The following PRKAA1 variants were observed in gnomAD, a reference collection of about 807,000 sequenced individuals.
PRKAA1 encodes 5'-AMP-activated protein kinase catalytic subunit alpha-1.
Under a neutral mutation model 56.9 loss-of-function variants are expected in PRKAA1, and 23 were observed. That is an observed-to-expected ratio of 0.40 (90% CI 0.29 to 0.57). PRKAA1 has a LOEUF of 0.57. Among genes scored for constraint, PRKAA1 ranks in the 20% least tolerant of loss-of-function variants. The pLI is 0.39. For missense variants in PRKAA1, 413 were observed against 679.7 expected, an observed-to-expected ratio of 0.61 and a Z score of 4.36; for synonymous variants, 226 against 227.0, an observed-to-expected ratio of 1.00 and a Z score of 0.04.
chr5:40,770,330 G>A (rs1241280312), intron 4 of PRKAA1, among the ~76,000 whole-genome samples: 1 of 152,078 alleles, frequency 6.6e-6, no homozygotes, highest in Non-Finnish European at 1.5e-5. Flanking sequence ...GCTGCATGTG[G>A]TGGCCCACAT....
At chr5:40,771,911 A>G in intron 3 of PRKAA1, 48 bp from the exon 4 acceptor site, 11 of 1,578,770 alleles carry the variant, frequency 7.0e-6, no homozygotes, top group Non-Finnish European at 9.5e-6. Flanking sequence ...TTCAAAGTAA[A>G]TTGTCCTATC....
chr5:40,790,048 G>A (rs1028587854), intron 1 of PRKAA1: 1 of 152,208 alleles, frequency 6.6e-6, no homozygotes, highest in African/African-American at 2.4e-5. Flanking sequence ...CTGGATCTCA[G>A]TTCTGCCCTG....
intron 1 of PRKAA1, among the ~76,000 whole-genome samples, chr5:40,778,009 G>A (rs771980635): frequency 9.2e-5 from 14 of 151,840 alleles, no homozygotes; most frequent in Non-Finnish European, 1.8e-4. Context: ...AGGAGGCGGA[G>A]GTTGCAGTGA....
intron 6 of PRKAA1, among the ~76,000 whole-genome samples, chr5:40,766,896 G>A (rs1206515656): frequency 2.0e-5 from 3 of 152,238 alleles, no homozygotes; most frequent in African/African-American, 7.2e-5. Flanking sequence ...GTGGATGCCT[G>A]TAGTCTCAAC....
At chr5:40,768,877 A>G (rs1208634499) in intron 5 of PRKAA1, 1 of 1,557,896 alleles carries the variant, frequency 6.4e-7, no homozygotes, top group Non-Finnish European at 8.7e-7. Flanking sequence ...AAATATCTTC[A>G]TGTTCTCAAT....
intron 3 of PRKAA1, among the ~76,000 whole-genome samples, chr5:40,774,056 G>A (rs1743875496): frequency 6.6e-6 from 1 of 152,164 alleles, no homozygotes; most frequent in Non-Finnish European, 1.5e-5. Flanking sequence ...AAACATATTT[G>A]TTATTATTAG....
intron 6 of PRKAA1, among the ~76,000 whole-genome samples, chr5:40,766,676 T>C (rs1480891672): frequency 6.6e-6 from 1 of 151,878 alleles, no homozygotes; most frequent in East Asian, 1.9e-4. Context: ...AGAAATAAAA[T>C]AGCCACCCAC....
intron 1 of PRKAA1, among the ~76,000 whole-genome samples, chr5:40,784,059 T>G (rs1316104379): frequency 6.6e-6 from 1 of 152,124 alleles, no homozygotes; most frequent in African/African-American, 2.4e-5. Flanking sequence ...CATGGAATAG[T>G]GTTTGTAAAG....
chr5:40,775,852 G>A (rs561970362), intron 2 of PRKAA1, among the ~76,000 whole-genome samples: 2 of 152,148 alleles, frequency 1.3e-5, no homozygotes, highest in East Asian at 1.9e-4. Context: ...GGAGGAAAGC[G>A]AAACTGGGAG....
chr5:40,794,886 G>A (rs924189963), intron 1 of PRKAA1, among the ~76,000 whole-genome samples: 1 of 149,432 alleles, frequency 6.7e-6, no homozygotes, highest in African/African-American at 2.4e-5. Context: ...GTCATTATTC[G>A]AAAAAGATAC....
chr5:40,766,550 C>T (rs1417210815), intron 6 of PRKAA1, among the ~76,000 whole-genome samples: 1 of 152,050 alleles, frequency 6.6e-6, no homozygotes, highest in Non-Finnish European at 1.5e-5. Flanking sequence ...CTGACTTTTA[C>T]CTACAAAACA....
At chr5:40,771,658 G>A (rs1743753081) in intron 4 of PRKAA1, 61 bp downstream of exon 4, 1 of 1,499,338 alleles carries the variant, frequency 6.7e-7, no homozygotes, top group Non-Finnish European at 9.0e-7. Flanking sequence ...TTCTAGGTAG[G>A]TTCATTGAAA....
intron 1 of PRKAA1, among the ~76,000 whole-genome samples, chr5:40,785,873 G>T (rs1018907270): frequency 4.0e-5 from 6 of 151,260 alleles, no homozygotes; most frequent in Non-Finnish European, 8.8e-5. Context: ...GAGAGAGAGA[G>T]AGAGAGCAAG....
intron 1 of PRKAA1, among the ~76,000 whole-genome samples, chr5:40,790,742 G>A (rs1319220426): frequency 6.6e-6 from 1 of 152,078 alleles, no homozygotes; most frequent in African/African-American, 2.4e-5. Context: ...GTTTCACCAT[G>A]TTGGCCAGGA....
At position 40,798,112 on chromosome 5, in the gene PRKAA1, G is replaced by A. The variant is rs766616413; in HGVS notation, c.78C>T (p.His26=). The change falls in exon 1 of 9, where the codon CAC becomes CAT. Residue 26 remains histidine (H), a synonymous_variant. Coordinates refer to ENST00000397128, the MANE Select transcript of PRKAA1 (RefSeq NM_006251.6). ...CCCCCAGCGTGTCACCCAGAATGTA[G>A]TGGCCGATCTTCACCCGCCCGTCGT... ...QKHDGRVKIG[H]YILGDTLGVG... 2.7e-5 allele frequency: 44 copies of A among 1,607,704 alleles called. No homozygotes were observed. Among genetic ancestry groups the A allele is most frequent in the Non-Finnish European group, 3.7e-5 (44 of 1,176,708 alleles).
chr5:40,780,683 C>T (rs2112056802), intron 1 of PRKAA1, among the ~76,000 whole-genome samples: 1 of 152,214 alleles, frequency 6.6e-6, no homozygotes, highest in East Asian at 1.9e-4. Context: ...TCCTAGAGTC[C>T]AAATGCCAAC....
At chr5:40,796,175 GT>G (rs1431464988) in intron 1 of PRKAA1, among the ~76,000 whole-genome samples, 1 of 152,078 alleles carries the variant, frequency 6.6e-6, no homozygotes, top group African/African-American at 2.4e-5. Context: ...AATTAGCCGG[GT>G]GTGGTGGTGG....
Position 40,760,874 on chromosome 5 carries a change from T to G in PRKAA1, c.*1904A>C, listed in dbSNP as rs1579703478. 1.3e-5 allele frequency: 2 copies of G among 152,418 alleles called. No individual in the cohort carries two copies. Among genetic ancestry groups the G allele is most frequent in the East Asian group, 3.8e-4 (2 of 5,280 alleles). The allele number at this position is 152,418 out of a possible 1,614,324, so 9.4% of individuals were successfully genotyped here. ...TAGAAAAAATATAGCTCTGTTGCAATGGGAAAATGATTAATACAAAAAAAT... is the reference window on the plus strand; with the variant it reads ...TAGAAAAAATATAGCTCTGTTGCAAGGGGAAAATGATTAATACAAAAAAAT... On this transcript the variant is annotated 3_prime_UTR_variant, in exon 9 of 9. Coordinates refer to ENST00000397128, the MANE Select transcript of PRKAA1 (RefSeq NM_006251.6).
intron 1 of PRKAA1, 140 bp downstream of exon 1, chr5:40,797,923 G>A: frequency 7.1e-7 from 1 of 1,399,742 alleles, no homozygotes; most frequent in Admixed American, 2.3e-5. Context: ...GCTGGGGAGA[G>A]CTCCCGCAGG....
Sources: allele counts gnomAD v4.1 joint callset (sites outside exome capture counted in the v4.1 genomes callset), GRCh38; gene constraint gnomAD v4.1.1; transcripts MANE v1.5; gene names NCBI Gene and HGNC (gene_info 2026-07-23, HGNC 2026-07-21).